Variants in SRSF4 observed in about 807,000 individuals in gnomAD.
The protein encoded by SRSF4 is serine and arginine rich splicing factor 4.
Under a neutral mutation model 48.8 loss-of-function variants are expected in SRSF4, and 12 were observed. The ratio of observed to expected loss-of-function variants is 0.25; its 90% CI spans 0.16 to 0.40. The LOEUF (loss-of-function observed/expected upper bound fraction) is 0.40, where lower values mean the gene tolerates loss of function less well. SRSF4 is among the 10% of genes least tolerant of loss of function. The pLI is 1.00. For synonymous variants in SRSF4, 248 were observed against 232.5 expected, an observed-to-expected ratio of 1.07 and a Z score of -0.61; for missense variants, 466 against 667.1, an observed-to-expected ratio of 0.70 and a Z score of 3.32.
Position 29,164,220 on chromosome 1 carries a change from A to G in SRSF4, c.108-3703T>C, listed in dbSNP as rs536198902. 1.7e-4 allele frequency among the ~76,000 whole-genome samples: 26 copies of G among 152,376 alleles called. 1 individual carries two copies. The South Asian group carries it at 4.3e-3, about 25-fold the overall frequency. On this transcript the variant is annotated intron_variant, in intron 1 of 5. Coordinates refer to ENST00000373795, the MANE Select transcript of SRSF4 (RefSeq NM_005626.5). ...TAGGATGGTACCACCAGACACCAAC[A>G]GATGAAAAGGGATACATTTTTATCA...
At chr1:29,171,037 A>T (rs909505511) in intron 1 of SRSF4, 2 of 152,154 alleles carry the variant, frequency 1.3e-5, no homozygotes, top group African/African-American at 4.8e-5. Flanking sequence ...TTCAGAGCAT[A>T]ATCTAATCCC....
intron 5 of SRSF4, 147 bp downstream of exon 5, chr1:29,149,956 G>T: frequency 1.6e-6 from 1 of 624,472 alleles, no homozygotes; most frequent in Non-Finnish European, 2.8e-6. Flanking sequence ...TGAGCCCAGT[G>T]AGGTGAGGCT....
At chr1:29,177,893 ATTTTTTTTTTT>A (rs397979781) in intron 1 of SRSF4, among the ~76,000 whole-genome samples, 4 of 93,636 alleles carry the variant, frequency 4.3e-5, no homozygotes, top group South Asian at 6.6e-4. Context: ...ATTACACAAG[ATTTTTTTTTTT>A]TTTTTTTTTT....
At chr1:29,171,387 T>C (rs1672742590) in intron 1 of SRSF4, 1 of 148,608 alleles carries the variant, frequency 6.7e-6, no homozygotes, top group Non-Finnish European at 1.5e-5. Context: ...AGGGAAGCTT[T>C]GAATGTCAAT....
At position 29,148,564 on chromosome 1, in the gene SRSF4, G is replaced by A. The variant is rs758332737; in HGVS notation, c.1331C>T (p.Ser444Leu). ...TGGTTTCGATTTGGAATTGGATCTC[G>A]ACCTGGACCGGGTCTCCTGATTGGT... ...AGTNQETRSR[S>L]RSNSKSKPNL... Residue 444 changes from serine to leucine, a missense_variant, in exon 6 of 6, where the codon TCG becomes TTG. This residue lies in a region of SRSF4 where 402 missense variants were observed against 437.0 expected (regional missense o/e 0.92). Coordinates refer to ENST00000373795, the MANE Select transcript of SRSF4 (RefSeq NM_005626.5). 15 of 1,613,918 alleles carry A rather than the reference G, an allele frequency of 9.3e-6. No homozygotes were observed. Among genetic ancestry groups the A allele is most frequent in the East Asian group, 4.5e-5 (2 of 44,882 alleles).
intron 1 of SRSF4, among the ~76,000 whole-genome samples, chr1:29,181,040 T>A (rs1385567110): frequency 6.6e-6 from 1 of 152,312 alleles, no homozygotes; most frequent in East Asian, 1.9e-4. Flanking sequence ...AATTTACTCT[T>A]GCAGAGGGAA....
Position 29,181,690 on chromosome 1 carries a change from G to A in SRSF4, c.63C>T (p.Phe21=). 3.1e-6 allele frequency: 5 copies of A among 1,598,494 alleles called. No homozygotes were observed. The highest frequency in any genetic ancestry group is 3.4e-6 in the Non-Finnish European group (4 of 1,174,122). The change falls in exon 1 of 6, where the codon TTC becomes TTT. Residue 21 remains phenylalanine (F), a synonymous_variant. Coordinates refer to ENST00000373795, the MANE Select transcript of SRSF4 (RefSeq NM_005626.5). The part of the protein sequence containing the change: ...YQARERDVER[F]FKGYGKILEV... ...CCAGGATCTTCCCGTAGCCCTTAAA[G>A]AAGCGCTCCACATCGCGCTCCCGGG...
chr1:29,164,271 C>T (rs1001333584), intron 1 of SRSF4, among the ~76,000 whole-genome samples: 1 of 152,148 alleles, frequency 6.6e-6, no homozygotes, highest in African/African-American at 2.4e-5. Flanking sequence ...ATGTATGGGT[C>T]CCAATTTTAG....
At chr1:29,157,110 A>G (rs950362027) in intron 3 of SRSF4, among the ~76,000 whole-genome samples, 1 of 152,138 alleles carries the variant, frequency 6.6e-6, no homozygotes. Flanking sequence ...GCCACATTCC[A>G]GTGCTTCAAA....
intron 3 of SRSF4, among the ~76,000 whole-genome samples, chr1:29,157,527 G>A (rs931808619): frequency 1.3e-5 from 2 of 152,054 alleles, no homozygotes; most frequent in African/African-American, 2.4e-5. Flanking sequence ...GGTCTGCTAC[G>A]GTGCTGACGA....
chr1:29,153,304 A>AT lies in SRSF4; in HGVS notation c.578+1391dup, dbSNP rs796737603. ...AGGCGTGTGCCATCATGCCTGGCTAATTTTTTTTTACTTTTGTATTTTTAG... is the reference window on the plus strand; with the variant it reads ...AGGCGTGTGCCATCATGCCTGGCTAATTTTTTTTTTACTTTTGTATTTTTAG... On this transcript the variant is annotated intron_variant, in intron 4 of 5. Transcript: ENST00000373795. Among the ~76,000 whole-genome samples, 492 of 150,770 alleles carry AT rather than the reference A, an allele frequency of 3.3e-3. 3 individuals are homozygous for AT. The highest frequency in any genetic ancestry group is 0.011 in the African/African-American group (442 of 41,020).
chr1:29,178,353 C>CTTTTTTTTTTTTTTTT (rs3061128), intron 1 of SRSF4, among the ~76,000 whole-genome samples: 3 of 127,884 alleles, frequency 2.3e-5, no homozygotes, highest in Non-Finnish European at 4.8e-5. Flanking sequence ...GTTTCAATTA[C>CTTTTTTTTTTTTTTTT]TTTTTTTTTT....
intron 3 of SRSF4, 104 bp from the exon 4 acceptor site, chr1:29,155,014 A>C (rs1382426817): frequency 1.9e-6 from 2 of 1,045,092 alleles, no homozygotes; most frequent in Non-Finnish European, 2.8e-6. Context: ...AGCATTCCGC[A>C]GAATAAAGTT....
chr1:29,154,266 T>C (rs901809615), intron 4 of SRSF4, among the ~76,000 whole-genome samples: 4 of 151,938 alleles, frequency 2.6e-5, no homozygotes, highest in African/African-American at 4.8e-5. Context: ...GATTTCGCCA[T>C]GTTGGCCAGG....
At position 29,148,706 on chromosome 1, in the gene SRSF4, CCTT is replaced by C. The variant is rs745995774; in HGVS notation, c.1186_1188del (p.Lys396del). On this transcript the variant is annotated inframe_deletion, in exon 6 of 6. Coordinates refer to ENST00000373795, the MANE Select transcript of SRSF4 (RefSeq NM_005626.5). ...CTGGACTGGGAGCGGTCAGTGTCTT[CCTT>C]CTTCTTCTTCTTGCTGCTGCCCGCC... is the stretch of plus-strand genomic sequence containing the variant. 1.4e-4 allele frequency: 229 copies of C among 1,600,322 alleles called. No individual in the cohort carries two copies. Among genetic ancestry groups the C allele is most frequent in the East Asian group, 6.5e-4 (29 of 44,412 alleles).
chr1:29,150,594 G>A (rs2151811877), intron 4 of SRSF4, among the ~76,000 whole-genome samples: 1 of 152,256 alleles, frequency 6.6e-6, no homozygotes, highest in Admixed American at 6.5e-5. Flanking sequence ...CACTGGCTGT[G>A]TCCAGGCACA....
intron 1 of SRSF4, among the ~76,000 whole-genome samples, chr1:29,174,434 T>C (rs1672804103): frequency 6.6e-6 from 1 of 152,126 alleles, no homozygotes; most frequent in Non-Finnish European, 1.5e-5. Flanking sequence ...AAAATAAAGA[T>C]AACCTAAATG....
chr1:29,175,048 A>T (rs1672817962), intron 1 of SRSF4, among the ~76,000 whole-genome samples: 1 of 151,912 alleles, frequency 6.6e-6, no homozygotes, highest in Non-Finnish European at 1.5e-5. Flanking sequence ...CCATACCTGT[A>T]TGTGAAAAAA....
chr1:29,181,824 G>T lies in SRSF4; in HGVS notation c.-72C>A, dbSNP rs1056099687. On this transcript the variant is annotated 5_prime_UTR_variant, in exon 1 of 6. Transcript: ENST00000373795. ...GCGGCGGCGGGCAAAGCGAGAGCAC[G>T]GCGGCAGCGGCGGCGGCGGCAACGG... is the stretch of plus-strand genomic sequence containing the variant. 4.7e-6 allele frequency: 6 copies of T among 1,266,972 alleles called. No individual in the cohort carries two copies. In the African/African-American group the frequency reaches 7.8e-5, roughly 16 times the overall value. The allele number at this position is 1,266,972 out of a possible 1,614,324, so 78.5% of individuals were successfully genotyped here.
Sources: gnomAD v4.1 joint callset for allele counts (sites outside exome capture counted in the v4.1 genomes callset) on GRCh38, gnomAD v4.1.1 for gene constraint, gnomAD v4.1.1 regional missense constraint, MANE v1.5 for transcripts, NCBI Gene and HGNC (gene_info 2026-07-23, HGNC 2026-07-21) for gene names.